PTPRG: variants seen among roughly 807,000 people sequenced by gnomAD.
PTPRG encodes the protein receptor-type tyrosine-protein phosphatase gamma.
Under a neutral mutation model 165.3 loss-of-function variants are expected in PTPRG, and 102 were observed. The observed-to-expected ratio is 0.62, with a 90% CI of 0.53 to 0.73. The LOEUF (loss-of-function observed/expected upper bound fraction) is 0.73. Ranked by LOEUF, PTPRG falls within the 30% of genes least tolerant of loss-of-function variation. PTPRG has a pLI of 0.00. For missense variants in PTPRG, 1,866 were observed against 1,861.4 expected, an observed-to-expected ratio of 1.00 and a Z score of -0.05; for synonymous variants, 675 against 669.5, an observed-to-expected ratio of 1.01 and a Z score of -0.13.
chr3:62,062,509 CTAAT>C (rs1313621136), intron 4 of PTPRG, among the ~76,000 whole-genome samples: 1 of 152,044 alleles, frequency 6.6e-6, no homozygotes, highest in Admixed American at 6.6e-5. Context: ...ATGGGAAAAT[CTAAT>C]TAATGAGGGA....
intron 2 of PTPRG, among the ~76,000 whole-genome samples, chr3:61,788,396 C>T (rs1009008046): frequency 1.3e-5 from 2 of 152,204 alleles, no homozygotes; most frequent in Non-Finnish European, 2.9e-5. Context: ...ACAAGATCTA[C>T]TAGCACGTAT....
intron 2 of PTPRG, among the ~76,000 whole-genome samples, chr3:61,890,466 C>T (rs1441266846): frequency 5.6e-5 from 7 of 124,374 alleles, no homozygotes; most frequent in African/African-American, 2.6e-4. Context: ...ATTTTCCTTT[C>T]AGGTCCTAAC....
At chr3:62,262,941 T>G (rs1407590618) in intron 17 of PTPRG, 47 bp downstream of exon 17, 2 of 1,425,752 alleles carry the variant, frequency 1.4e-6, no homozygotes, top group Middle Eastern at 1.8e-4. Context: ...GAAATTAAAT[T>G]TTCATGCTGG....
At chr3:62,192,275 T>A (rs115404691) in intron 9 of PTPRG, among the ~76,000 whole-genome samples, 1 of 152,044 alleles carries the variant, frequency 6.6e-6, no homozygotes, top group Non-Finnish European at 1.5e-5. Flanking sequence ...ACGTGCCTAA[T>A]TCAATGTCTC....
chr3:61,794,069 C>A (rs767296220), intron 2 of PTPRG, among the ~76,000 whole-genome samples: 14 of 152,178 alleles, frequency 9.2e-5, no homozygotes, highest in Non-Finnish European at 1.8e-4. Context: ...GAAAGGCGAA[C>A]TTTTCTGTTT....
intron 13 of PTPRG, among the ~76,000 whole-genome samples, chr3:62,226,132 T>C (rs1424295273): frequency 2.6e-5 from 4 of 152,220 alleles, no homozygotes; most frequent in Non-Finnish European, 5.9e-5. Context: ...CGTTAATTTT[T>C]GGTGGATTGT....
intron 4 of PTPRG, among the ~76,000 whole-genome samples, chr3:62,044,446 G>A (rs1040578286): frequency 1.3e-5 from 2 of 152,106 alleles, no homozygotes; most frequent in African/African-American, 4.8e-5. Flanking sequence ...GGCTGAGGCA[G>A]GAGAATCACT....
intron 13 of PTPRG, among the ~76,000 whole-genome samples, chr3:62,220,996 G>A (rs1481872499): frequency 2.6e-5 from 4 of 152,044 alleles, no homozygotes; most frequent in Non-Finnish European, 5.9e-5. Context: ...AGGACCATGG[G>A]GCCAAACAGG....
intron 8 of PTPRG, among the ~76,000 whole-genome samples, chr3:62,185,881 A>G (rs981114467): frequency 4.6e-5 from 7 of 152,168 alleles, no homozygotes; most frequent in African/African-American, 7.2e-5. Context: ...AGATGCGGAC[A>G]CAGGATTTGC....
rs557978072 is a variant in PTPRG at position 62,278,664 on chromosome 3, A to G, written c.3765+985A>G. On this transcript the variant is annotated intron_variant, in intron 26 of 29. Transcript: ENST00000474889. ...GTGACATGCATTTGACTGTGTGCCC[A>G]GTCAGTAGGAACTTCTTCACTTTGT... Among the ~76,000 whole-genome samples the G allele has an allele frequency of 3.9e-5, 6 of 152,182 alleles. No homozygotes were observed. The South Asian group carries it at 1.0e-3, about 26-fold the overall frequency.
chr3:62,256,901 G>T (rs1453723318), intron 16 of PTPRG, among the ~76,000 whole-genome samples: 3 of 152,204 alleles, frequency 2.0e-5, no homozygotes, highest in African/African-American at 7.2e-5. Flanking sequence ...CAAATCCTGG[G>T]CATCTGTACC....
intron 2 of PTPRG, among the ~76,000 whole-genome samples, chr3:61,786,443 T>C (rs1481305238): frequency 6.6e-6 from 1 of 152,182 alleles, no homozygotes; most frequent in Non-Finnish European, 1.5e-5. Flanking sequence ...ATTTCATCAG[T>C]TGGTCGCTAG....
chr3:61,852,659 A>G (rs530516958), intron 2 of PTPRG, among the ~76,000 whole-genome samples: 61 of 152,146 alleles, frequency 4.0e-4, no homozygotes, highest in Non-Finnish European at 7.6e-4. Context: ...TCAAGATAGA[A>G]TTGGAGACTC....
At chr3:61,656,748 G>C (rs1200714398) in intron 1 of PTPRG, among the ~76,000 whole-genome samples, 1 of 152,146 alleles carries the variant, frequency 6.6e-6, no homozygotes, top group Non-Finnish European at 1.5e-5. Flanking sequence ...ATTTTCCTTA[G>C]CTTCTTGTTC....
At chr3:61,773,920 G>A (rs894784731) in intron 2 of PTPRG, among the ~76,000 whole-genome samples, 1 of 151,868 alleles carries the variant, frequency 6.6e-6, no homozygotes, top group African/African-American at 2.4e-5. Context: ...GATTACAGGC[G>A]TGCACCACCA....
intron 2 of PTPRG, chr3:61,750,448 G>A (rs917333590): frequency 6.6e-6 from 1 of 152,206 alleles, no homozygotes; most frequent in African/African-American, 2.4e-5. Context: ...ACCATAAGTG[G>A]TGCCATCTTT....
At position 62,055,533 on chromosome 3, in the gene PTPRG, T is replaced by C. The variant is rs1453218364; in HGVS notation, c.520-22630T>C. Among the ~76,000 whole-genome samples the C allele has an allele frequency of 2.0e-5, 3 of 152,324 alleles. 1 individual carries two copies. The highest frequency in any genetic ancestry group is 4.8e-5 in the African/African-American group (2 of 41,578). On this transcript the variant is annotated intron_variant, in intron 4 of 29. Transcript: ENST00000474889. ...GGAGACATAGGTGAAGTTCCCTGTA[T>C]TTATTTCCTAGGGTTGCCTTGACAA...
chr3:61,777,239 T>C (rs1241443077), intron 2 of PTPRG, among the ~76,000 whole-genome samples: 1 of 152,218 alleles, frequency 6.6e-6, no homozygotes, highest in Non-Finnish European at 1.5e-5. Flanking sequence ...CTGTGCTGTC[T>C]AACACAGCAG....
intron 5 of PTPRG, among the ~76,000 whole-genome samples, chr3:62,123,844 C>T (rs533935316): frequency 2.0e-5 from 3 of 152,020 alleles, no homozygotes; most frequent in Admixed American, 1.3e-4. Context: ...ATACTGGATC[C>T]TTCTGGTATT....
Sources: allele counts gnomAD v4.1 joint callset (sites outside exome capture counted in the v4.1 genomes callset), GRCh38; gene constraint gnomAD v4.1.1; transcripts MANE v1.5; gene names NCBI Gene and HGNC (gene_info 2026-07-23, HGNC 2026-07-21).